Variants in USP10 observed in about 807,000 individuals in gnomAD.
USP10 encodes the protein ubiquitin carboxyl-terminal hydrolase 10.
A neutral mutation model predicts 84.5 loss-of-function variants in USP10; 22 were observed. The observed-to-expected ratio is 0.26, with a 90% confidence interval of 0.19 to 0.37. The LOEUF (loss-of-function observed/expected upper bound fraction) is 0.37. Among genes scored for constraint, USP10 ranks in the 10% least tolerant of loss-of-function variants. The probability of loss-of-function intolerance (pLI) is 1.00; values close to 1 mark genes in which losing one functional copy is unlikely to be tolerated. For synonymous variants in USP10, 454 were observed against 387.6 expected (o/e 1.17, Z -2.01); for missense variants, 1,019 against 998.9 (o/e 1.02, Z -0.27).
Position 84,740,356 on chromosome 16 carries a change from T to G in USP10, c.138T>G (p.Asp46Glu), listed in dbSNP as rs779671297. The G allele has an allele frequency of 6.2e-7, 1 of 1,613,050 alleles. No individual in the cohort carries two copies. The highest frequency in any genetic ancestry group is 8.5e-7 in the Non-Finnish European group (1 of 1,179,234). The change falls in exon 3 of 14, where the codon GAT becomes GAG. Residue 46 changes from aspartate to glutamate, a missense_variant. Around this residue, in one of 2 missense-constraint regions of USP10, gnomAD observed 787 missense variants for 708.8 expected, o/e 1.11. Transcript: ENST00000219473. ...GTVLCGTQAV[D>E]KLPDGQEYQR... ...TTCTGTGTGGCACACAGGCTGTGGATAAACTACCTGATGGTAAGCTAGTTC... is the reference window on the plus strand; with the variant it reads ...TTCTGTGTGGCACACAGGCTGTGGAGAAACTACCTGATGGTAAGCTAGTTC...
chr16:84,750,645 C>T (rs561311760), intron 4 of USP10, among the ~76,000 whole-genome samples: 2 of 152,230 alleles, frequency 1.3e-5, no homozygotes, highest in South Asian at 2.1e-4. Context: ...ATATACTAGA[C>T]GAAATTGTAT....
In USP10 at chr16:84,745,426, C is replaced by G. The variant is rs370158526; in HGVS notation, c.945C>G (p.Thr315=). The change falls in exon 4 of 14, where the codon ACC becomes ACG. Residue 315 remains threonine, a synonymous_variant. Transcript: ENST00000219473. ...HTTESIDLDP[T]KPESASPPAD... is the part of the protein sequence containing the mutation. ...CGGAAAGCATAGACTTGGACCCAAC[C>G]AAACCCGAGAGTGCATCACCTCCTG... 34 of 1,613,660 alleles carry G rather than the reference C, an allele frequency of 2.1e-5. No individual in the cohort carries two copies. The highest frequency in any genetic ancestry group is 3.3e-5 in the Admixed American group (2 of 60,002).
chr16:84,717,950 C>T (rs191691913), intron 1 of USP10, among the ~76,000 whole-genome samples: 7 of 152,178 alleles, frequency 4.6e-5, no homozygotes, highest in Admixed American at 2.0e-4. Context: ...TTCGTGATCA[C>T]GTTAGGGTAT....
intron 1 of USP10, among the ~76,000 whole-genome samples, chr16:84,700,327 A>C (rs1904680988): frequency 6.6e-6 from 1 of 151,614 alleles, no homozygotes; most frequent in South Asian, 2.1e-4. Context: ...AGTCCCGGGG[A>C]GGTCGAAGGG....
chr16:84,729,371 C>T (rs564436522), intron 1 of USP10, among the ~76,000 whole-genome samples: 3 of 152,256 alleles, frequency 2.0e-5, no homozygotes, highest in East Asian at 1.9e-4. Context: ...CTTGTGATAT[C>T]GATGACTTGT....
At position 84,772,402 on chromosome 16, in the gene USP10, G is replaced by A. The variant is rs1914548399; in HGVS notation, c.1999-139G>A. ...TGGTAGATCTCAGAGCTTCTGTGGG[G>A]CAGGAAAAGCCATGAAGTCCTGCCA... On this transcript the variant is annotated intron_variant, in intron 11 of 13. Transcript: ENST00000219473. 6 of 1,161,980 alleles carry A rather than the reference G, an allele frequency of 5.2e-6. No individual in the cohort carries two copies. In the East Asian group the frequency reaches 7.2e-5, roughly 14 times the overall value. The allele number at this position is 1,161,980 out of a possible 1,614,324, so 72.0% of individuals were successfully genotyped here.
chr16:84,739,308 A>G (rs1265642440), intron 2 of USP10, among the ~76,000 whole-genome samples: 34 of 129,254 alleles, frequency 2.6e-4, no homozygotes, highest in African/African-American at 4.1e-4. Flanking sequence ...GTCTTGCTCT[A>G]TTGCCCAGGC....
Position 84,773,183 on chromosome 16 carries a change from TAA to T in USP10, c.2143+500_2143+501del, listed in dbSNP as rs151065682. ...GCTCGGCACTTTTTGAAAGCAATTT[TAA>T]AGAGCCCCAGGTTAAAGGCATCTTG... On this transcript the variant is annotated intron_variant, in intron 12 of 13. Coordinates refer to ENST00000219473, the MANE Select transcript of USP10 (RefSeq NM_005153.3). 8.1e-3 allele frequency among the ~76,000 whole-genome samples: 1,236 copies of T among 152,330 alleles called. 8 individuals are homozygous for T. Among genetic ancestry groups the T allele is most frequent in the African/African-American group, 0.028 (1,177 of 41,566 alleles).
chr16:84,735,057 G>A (rs185510314), intron 2 of USP10, among the ~76,000 whole-genome samples: 3 of 151,498 alleles, frequency 2.0e-5, no homozygotes, highest in Admixed American at 6.6e-5. Flanking sequence ...TCGAGACAGG[G>A]TCTCACTCTG....
At chr16:84,767,932 G>T (rs1373273378) in intron 10 of USP10, among the ~76,000 whole-genome samples, 1 of 152,080 alleles carries the variant, frequency 6.6e-6, no homozygotes, top group Admixed American at 6.5e-5. Flanking sequence ...GCGGCCTTCC[G>T]CAGTGTTTGT....
rs774568908 is a variant in USP10, at chr16:84,772,610, G to A, written c.2068G>A (p.Val690Ile). Residue 690 changes from valine to isoleucine, a missense_variant, in exon 12 of 14, where the codon GTT (valine) becomes ATT (isoleucine). Around this residue, in one of 2 missense-constraint regions of USP10, gnomAD observed 232 missense variants for 290.1 expected, o/e 0.80. Transcript: ENST00000219473. ...PVLVLHLKRF[V>I]YEKTGGCQKL... ...CCTCGTGCTGCACCTGAAACGATTC[G>A]TTTATGAGAAGACTGGTGGGTGCCA... The A allele has an allele frequency of 9.9e-6, 16 of 1,613,870 alleles. No individual in the cohort carries two copies. Among genetic ancestry groups the A allele is most frequent in the African/African-American group, 5.3e-5 (4 of 74,914 alleles).
At chr16:84,764,724 G>C (rs1373319932) in intron 10 of USP10, among the ~76,000 whole-genome samples, 1 of 151,912 alleles carries the variant, frequency 6.6e-6, no homozygotes, top group Non-Finnish European at 1.5e-5. Flanking sequence ...CCAGCTATTA[G>C]GGAGGCTGAG....
At chr16:84,757,388 A>C (rs1912668743) in intron 4 of USP10, among the ~76,000 whole-genome samples, 7 of 115,942 alleles carry the variant, frequency 6.0e-5, no homozygotes, top group South Asian at 3.6e-4. Context: ...GAAGGAGGGA[A>C]TGAGAGGGGT....
chr16:84,704,230 G>T (rs1162931850), intron 1 of USP10, among the ~76,000 whole-genome samples: 2 of 152,156 alleles, frequency 1.3e-5, no homozygotes, highest in African/African-American at 4.8e-5. Flanking sequence ...ATGGTTCCTG[G>T]TATTCAGGTG....
intron 1 of USP10, among the ~76,000 whole-genome samples, chr16:84,725,954 G>T (rs1908416230): frequency 6.6e-6 from 1 of 152,176 alleles, no homozygotes; most frequent in Non-Finnish European, 1.5e-5. Context: ...CTGTGACCTG[G>T]TTATACCATT....
At chr16:84,775,343 G>A in intron 13 of USP10, 118 bp downstream of exon 13, 1 of 992,878 alleles carries the variant, frequency 1.0e-6, no homozygotes, top group Non-Finnish European at 1.6e-6. Context: ...AGGTATCCCT[G>A]TGGCCTTGTG....
chr16:84,722,716 C>T (rs113460583), intron 1 of USP10, among the ~76,000 whole-genome samples: 250 of 152,210 alleles, frequency 1.6e-3, no homozygotes, highest in African/African-American at 5.7e-3. Context: ...GACTCCCCCA[C>T]GCCCAGCTAA....
In USP10 at chr16:84,715,113, A is replaced by G. The variant is rs564810768; in HGVS notation, c.21+15002A>G. Among the ~76,000 whole-genome samples, 15 of 152,150 alleles carry G rather than the reference A, an allele frequency of 9.9e-5. No individual in the cohort carries two copies. The South Asian group carries it at 2.9e-3, about 29-fold the overall frequency. ...CTAGCTACTTTTTATATTTTTTAGTAGAGATGGGGTTTCACCATATTGGCC... is the reference window on the plus strand; with the variant it reads ...CTAGCTACTTTTTATATTTTTTAGTGGAGATGGGGTTTCACCATATTGGCC... On this transcript the variant is annotated intron_variant, in intron 1 of 13. Transcript: ENST00000219473.
At chr16:84,747,011 C>T (rs1021272953) in intron 4 of USP10, among the ~76,000 whole-genome samples, 2 of 152,176 alleles carry the variant, frequency 1.3e-5, no homozygotes, top group African/African-American at 2.4e-5. Flanking sequence ...CCTGGGCCTG[C>T]ACAGGGTCAG....
Sources: gnomAD v4.1 joint callset for allele counts (sites outside exome capture counted in the v4.1 genomes callset) on GRCh38, gnomAD v4.1.1 for gene constraint, gnomAD v4.1.1 regional missense constraint, MANE v1.5 for transcripts, NCBI Gene and HGNC (gene_info 2026-07-23, HGNC 2026-07-21) for gene names.